The following EHMT1 variants were observed in gnomAD, a reference collection of about 807,000 sequenced individuals.
The protein encoded by EHMT1 is histone-lysine N-methyltransferase EHMT1.
EHMT1 carries 15 observed loss-of-function variants against 147.2 expected under a neutral mutation model. That is an observed-to-expected ratio of 0.10 (90% CI 0.07 to 0.16). EHMT1 has a LOEUF of 0.16. EHMT1 is among the 10% of genes least tolerant of loss of function. EHMT1 has a pLI of 1.00. For missense variants in EHMT1, 1,587 were observed against 1,772.4 expected (o/e 0.90, Z 1.88); for synonymous variants, 795 against 709.6 (o/e 1.12, Z -1.91).
intron 10 of EHMT1, chr9:137,763,720 T>G (rs1002974158): frequency 3.3e-5 from 5 of 152,578 alleles, no homozygotes; most frequent in African/African-American, 1.2e-4. Context: ...CCAAGCCTTT[T>G]GCGTAGGGCG....
At chr9:137,643,234 T>C (rs1844622505) in intron 1 of EHMT1, among the ~76,000 whole-genome samples, 1 of 151,946 alleles carries the variant, frequency 6.6e-6, no homozygotes, top group African/African-American at 2.4e-5. Context: ...TGTCCTTTCA[T>C]TTATCCTGAA....
At chr9:137,814,881 C>G (rs56197890) in intron 22 of EHMT1, 18,017 of 405,246 alleles carry the variant, frequency 0.044, 2,805 homozygotes, top group African/African-American at 0.34. Flanking sequence ...AGGGTGCTGC[C>G]GGGCTGGGTA....
In EHMT1 at chr9:137,758,016, A is replaced by G. The variant is rs779536271; in HGVS notation, c.1501+5A>G. On this transcript the variant is annotated splice_donor_5th_base_variant and intron_variant, in intron 9 of 26. Coordinates refer to ENST00000460843, the MANE Select transcript of EHMT1 (RefSeq NM_024757.5). ...TTCTGTCTTCACAAGCAGAAGGTGAATGTGGTGGTGTAACTTAGACCGGGC... is the reference window on the plus strand; with the variant it reads ...TTCTGTCTTCACAAGCAGAAGGTGAGTGTGGTGGTGTAACTTAGACCGGGC... The G allele has an allele frequency of 1.9e-6, 3 of 1,613,786 alleles. No individual in the cohort carries two copies. Among genetic ancestry groups the G allele is most frequent in the Non-Finnish European group, 2.5e-6 (3 of 1,179,954 alleles).
At chr9:137,771,785 G>GGGAA (rs1025602388) in intron 10 of EHMT1, among the ~76,000 whole-genome samples, 1 of 152,220 alleles carries the variant, frequency 6.6e-6, no homozygotes, top group South Asian at 2.1e-4. Context: ...GGGTGCCACT[G>GGGAA]GGAAGGAAGG....
chr9:137,757,970 T>A lies in EHMT1; in HGVS notation c.1460T>A (p.Leu487Gln). 2 of 1,614,156 alleles carry A rather than the reference T, an allele frequency of 1.2e-6. No individual in the cohort carries two copies. ...TGYMEVSLDS[L>Q]DLRVKGILSS... is the part of the protein sequence containing the mutation. ...TACATGGAAGTTTCTCTGGACTCCC[T>A]GGATCTCCGAGTCAAAGGAATTCTG... Residue 487 changes from leucine (L) to glutamine (Q), a missense_variant, in exon 9 of 27, where the codon CTG becomes CAG. Transcript: ENST00000460843.
At chr9:137,695,706 G>C (rs1943346998) in intron 1 of EHMT1, among the ~76,000 whole-genome samples, 1 of 152,240 alleles carries the variant, frequency 6.6e-6, no homozygotes, top group Admixed American at 6.5e-5. Context: ...CTCACACACA[G>C]TGGCTAGGCA....
At chr9:137,663,564 GC>G (rs1336379761) in intron 1 of EHMT1, among the ~76,000 whole-genome samples, 7 of 152,174 alleles carry the variant, frequency 4.6e-5, no homozygotes, top group Non-Finnish European at 7.3e-5. Context: ...CTCCGTTTCT[GC>G]TCTCAATCTT....
At chr9:137,768,759 C>T (rs1950406597) in intron 10 of EHMT1, among the ~76,000 whole-genome samples, 1 of 151,368 alleles carries the variant, frequency 6.6e-6, no homozygotes, top group African/African-American at 2.4e-5. Context: ...CCGTTTTTAG[C>T]CGGGATGGTC....
At chr9:137,824,854 A>G (rs557892594) in intron 25 of EHMT1, among the ~76,000 whole-genome samples, 5 of 152,138 alleles carry the variant, frequency 3.3e-5, no homozygotes, top group South Asian at 4.1e-4. Context: ...TATGAATTCT[A>G]CTCACTTTTT....
intron 24 of EHMT1, chr9:137,817,763 G>A: frequency 3.1e-6 from 2 of 635,580 alleles, no homozygotes; most frequent in South Asian, 1.9e-5. Flanking sequence ...CAGTTAGGAA[G>A]GCGTGGTCCA....
chr9:137,656,367 G>A (rs978124542), intron 1 of EHMT1, among the ~76,000 whole-genome samples: 1 of 152,186 alleles, frequency 6.6e-6, no homozygotes. Flanking sequence ...GTGACAGAGC[G>A]AGACTCCATC....
Position 137,834,512 on chromosome 9 carries a change from G to A in EHMT1, c.3704G>A (p.Gly1235Asp). 1 of 1,611,166 alleles carries A rather than the reference G, an allele frequency of 6.2e-7. No individual in the cohort carries two copies. The highest frequency in any genetic ancestry group is 8.5e-7 in the Non-Finnish European group (1 of 1,179,720). ...TTCAGCACCCGCCTGATCGAGGCCG[G>A]CGAGCAGCTCGGGTACGCACCGCCC... ...AFFSTRLIEA[G>D]EQLGFDYGER... Residue 1235 changes from glycine (G) to aspartate (D), a missense_variant, in exon 26 of 27, where the codon GGC becomes GAC. Gly to Asp is a moderately conservative substitution (Grantham distance 94). Coordinates refer to ENST00000460843, the MANE Select transcript of EHMT1 (RefSeq NM_024757.5).
intron 4 of EHMT1, among the ~76,000 whole-genome samples, chr9:137,739,408 A>G (rs180719113): frequency 1.2e-3 from 189 of 152,040 alleles, no homozygotes; most frequent in African/African-American, 4.4e-3. Flanking sequence ...AAGCAGTTTG[A>G]GTGTCCACAC....
intron 1 of EHMT1, among the ~76,000 whole-genome samples, chr9:137,658,192 C>G (rs569380247): frequency 2.6e-5 from 4 of 152,300 alleles, no homozygotes; most frequent in African/African-American, 9.6e-5. Context: ...ACTTTGTCAC[C>G]CAGGCTGGAG....
At chr9:137,627,574 C>A (rs1843346279) in intron 1 of EHMT1, among the ~76,000 whole-genome samples, 2 of 144,908 alleles carry the variant, frequency 1.4e-5, no homozygotes, top group African/African-American at 5.7e-5. Context: ...ATTTGCCCAC[C>A]TCAGCCTCCC....
chr9:137,748,359 G>A (rs1255532573), intron 6 of EHMT1, among the ~76,000 whole-genome samples: 1 of 152,172 alleles, frequency 6.6e-6, no homozygotes. Flanking sequence ...CCAGGGAGGC[G>A]ACCATACAGG....
At chr9:137,673,986 G>T (rs1200773226) in intron 1 of EHMT1, among the ~76,000 whole-genome samples, 1 of 152,222 alleles carries the variant, frequency 6.6e-6, no homozygotes, top group Non-Finnish European at 1.5e-5. Context: ...ACAATCTGTT[G>T]TCTTGGAATA....
chr9:137,762,633 G>C, intron 9 of EHMT1, 42 bp from the exon 10 acceptor site: 1 of 1,613,820 alleles, frequency 6.2e-7, no homozygotes, highest in South Asian at 1.1e-5. Context: ...GTTCTTTTGA[G>C]GTCAGGATTG....
intron 1 of EHMT1, among the ~76,000 whole-genome samples, chr9:137,655,553 T>C (rs957379074): frequency 1.1e-4 from 16 of 152,200 alleles, no homozygotes; most frequent in Non-Finnish European, 2.4e-4. Flanking sequence ...ATGAAGATGC[T>C]AATAGTGTTT....
Sources: gnomAD v4.1 joint callset for allele counts (sites outside exome capture counted in the v4.1 genomes callset) on GRCh38, gnomAD v4.1.1 for gene constraint, MANE v1.5 for transcripts, NCBI Gene and HGNC (gene_info 2026-07-23, HGNC 2026-07-21) for gene names.